LMX1A: variants seen among roughly 807,000 people sequenced by gnomAD.
LMX1A encodes the protein LIM homeobox transcription factor 1 alpha, also known as LIM homeobox transcription factor 1-alpha.
LMX1A carries 15 observed loss-of-function variants against 49.1 expected under a neutral mutation model. The ratio of observed to expected loss-of-function variants is 0.31; its 90% CI spans 0.20 to 0.47. LMX1A has a LOEUF of 0.47. LMX1A is among the 20% of genes least tolerant of loss of function. LMX1A has a pLI of 1.00. For synonymous variants in LMX1A, 167 were observed against 185.7 expected, an observed-to-expected ratio of 0.90 and a Z score of 0.82; for missense variants, 372 against 475.8, an observed-to-expected ratio of 0.78 and a Z score of 2.03.
chr1:165,312,455 T>C (rs1655102216), intron 3 of LMX1A, among the ~76,000 whole-genome samples: 1 of 152,154 alleles, frequency 6.6e-6, no homozygotes, highest in African/African-American at 2.4e-5. Flanking sequence ...CTGGGACAAT[T>C]TCCCCCTCCA....
chr1:165,334,399 T>C (rs1229806325), intron 3 of LMX1A, among the ~76,000 whole-genome samples: 2 of 152,202 alleles, frequency 1.3e-5, no homozygotes, highest in Non-Finnish European at 2.9e-5. Context: ...CAGTAAGTTT[T>C]AAGTTATTTA....
Position 165,202,604 on chromosome 1 carries a change from C to T in LMX1A, c.*1276G>A, listed in dbSNP as rs998169716. On this transcript the variant is annotated 3_prime_UTR_variant, in exon 9 of 9. Transcript: ENST00000342310. ...AATGACCTCAAAAAAAAAGTAAAAA[C>T]CATTCTTTGCTGGCAAGCCATAGAA... The T allele has an allele frequency of 2.0e-5, 3 of 151,918 alleles. No homozygotes were observed. The highest frequency in any genetic ancestry group is 7.3e-5 in the African/African-American group (3 of 41,354). The allele number at this position is 151,918 out of a possible 1,614,324, so 9.4% of individuals were successfully genotyped here.
chr1:165,355,804 T>G lies in LMX1A; in HGVS notation c.-22-223A>C. 1.9e-6 allele frequency: 1 copy of G among 523,634 alleles called. No homozygotes were observed. Among genetic ancestry groups the G allele is most frequent in the Non-Finnish European group, 3.4e-6 (1 of 295,132 alleles). 32.4% of individuals were successfully genotyped at this position (523,634 alleles called of 1,614,324 possible). On this transcript the variant is annotated intron_variant, in intron 1 of 8. Transcript: ENST00000342310. This position sits in a 1 kb window ranked among gnomAD's most constrained non-coding sequence, Gnocchi z 4.7. ...ACTTGAAGTCAACACGTTATGTACT[T>G]AGGCCTCCGCCCCCCAACTGCGTTT... is the stretch of plus-strand genomic sequence containing the variant.
chr1:165,246,303 C>T (rs1652846873), intron 4 of LMX1A, among the ~76,000 whole-genome samples: 1 of 152,148 alleles, frequency 6.6e-6, no homozygotes, highest in Non-Finnish European at 1.5e-5. Flanking sequence ...TTTTATGATA[C>T]AAGACAGGCA....
At position 165,211,618 on chromosome 1, in the gene LMX1A, C is replaced by T. The variant is rs925303728; in HGVS notation, c.670-842G>A. 7.2e-5 allele frequency among the ~76,000 whole-genome samples: 11 copies of T among 152,204 alleles called. 1 individual carries two copies. The highest frequency in any genetic ancestry group is 2.7e-4 in the African/African-American group (11 of 41,454). ...GAGCAAATGGAAGCCTTGAGAAATACTTCCCCTTTATCATGCCACTTGGGG... is the reference window on the plus strand; with the variant it reads ...GAGCAAATGGAAGCCTTGAGAAATATTTCCCCTTTATCATGCCACTTGGGG... On this transcript the variant is annotated intron_variant, in intron 5 of 8. Transcript: ENST00000342310.
At chr1:165,353,286 G>C (rs562406017) in intron 2 of LMX1A, 24 bp from the exon 3 acceptor site, 56 of 1,601,012 alleles carry the variant, frequency 3.5e-5, no homozygotes, top group Non-Finnish European at 2.7e-5. Context: ...AGACGTTGGC[G>C]GGTGAGCAGC....
In LMX1A at chr1:165,292,506, G is replaced by A. The variant is rs141431672; in HGVS notation, c.264-42866C>T. Among the ~76,000 whole-genome samples the A allele has an allele frequency of 8.5e-5, 13 of 152,334 alleles. No individual in the cohort carries two copies. In the East Asian group the frequency reaches 2.3e-3, roughly 27 times the overall value. On this transcript the variant is annotated intron_variant, in intron 3 of 8. Transcript: ENST00000342310. ...AGGCTCATATGGAGAAGAGCAGGTG[G>A]CTTCCAACCGGGAGGGTCACCTGTG...
chr1:165,321,005 C>A (rs1032304881), intron 3 of LMX1A, among the ~76,000 whole-genome samples: 19 of 152,144 alleles, frequency 1.2e-4, no homozygotes, highest in Non-Finnish European at 1.6e-4. Context: ...TATCTACCAA[C>A]AGCTGAATGA....
At chr1:165,335,092 G>A (rs954642503) in intron 3 of LMX1A, among the ~76,000 whole-genome samples, 2 of 152,134 alleles carry the variant, frequency 1.3e-5, no homozygotes, top group South Asian at 2.1e-4. Context: ...ATTAGTTTGG[G>A]TTCTGAAATA....
At chr1:165,275,501 T>C (rs1003145269) in intron 3 of LMX1A, among the ~76,000 whole-genome samples, 6 of 152,348 alleles carry the variant, frequency 3.9e-5, no homozygotes, top group South Asian at 2.1e-4. Flanking sequence ...ACGTAACTTC[T>C]AGTCATCTCC....
intron 8 of LMX1A, among the ~76,000 whole-genome samples, chr1:165,205,596 C>G (rs141485931): frequency 8.5e-5 from 13 of 152,180 alleles, no homozygotes; most frequent in Non-Finnish European, 1.8e-4. Flanking sequence ...TGACAACAAA[C>G]AGGTCTACAA....
At chr1:165,291,267 C>G (rs1270288474) in intron 3 of LMX1A, among the ~76,000 whole-genome samples, 1 of 152,196 alleles carries the variant, frequency 6.6e-6, no homozygotes, top group East Asian at 1.9e-4. Flanking sequence ...ATATAACACA[C>G]AGATTCTGGC....
At chr1:165,217,623 G>A (rs1235761303) in intron 4 of LMX1A, among the ~76,000 whole-genome samples, 1 of 152,212 alleles carries the variant, frequency 6.6e-6, no homozygotes, top group Non-Finnish European at 1.5e-5. Flanking sequence ...TCCCTCAGCT[G>A]GTCCTGCCTA....
intron 3 of LMX1A, among the ~76,000 whole-genome samples, chr1:165,316,822 C>T (rs949992134): frequency 6.6e-6 from 1 of 152,150 alleles, no homozygotes; most frequent in Non-Finnish European, 1.5e-5. Flanking sequence ...CCTGTTGCAG[C>T]AACACCTCCC....
chr1:165,301,005 A>T (rs1280856132), intron 3 of LMX1A, among the ~76,000 whole-genome samples: 1 of 152,174 alleles, frequency 6.6e-6, no homozygotes, highest in African/African-American at 2.4e-5. Flanking sequence ...TGGAGCCCAG[A>T]TATCTGCTTT....
intron 3 of LMX1A, among the ~76,000 whole-genome samples, chr1:165,321,447 A>T (rs183686830): frequency 1.5e-3 from 235 of 152,284 alleles, no homozygotes; most frequent in Middle Eastern, 6.8e-3. Flanking sequence ...AAAAATAAAC[A>T]TATGTTTTGA....
At chr1:165,248,768 G>A (rs1005364009) in intron 4 of LMX1A, among the ~76,000 whole-genome samples, 1 of 152,170 alleles carries the variant, frequency 6.6e-6, no homozygotes, top group African/African-American at 2.4e-5. Context: ...TGAATTATTG[G>A]TTCCAATCCA....
At chr1:165,343,346 C>T (rs974943932) in intron 3 of LMX1A, among the ~76,000 whole-genome samples, 1 of 151,726 alleles carries the variant, frequency 6.6e-6, no homozygotes, top group African/African-American at 2.4e-5. Flanking sequence ...ACTGTCTTGG[C>T]TTATCATACA....
intron 3 of LMX1A, among the ~76,000 whole-genome samples, chr1:165,269,665 T>C (rs986600169): frequency 5.3e-5 from 8 of 152,166 alleles, no homozygotes; most frequent in Admixed American, 3.9e-4. Context: ...AATGGTAGAT[T>C]GGATTAAAAA....
Sources: allele counts gnomAD v4.1 joint callset (sites outside exome capture counted in the v4.1 genomes callset), GRCh38; gene constraint gnomAD v4.1.1; non-coding constraint Gnocchi (gnomAD v3.1); transcripts MANE v1.5; gene names NCBI Gene and HGNC (gene_info 2026-07-23, HGNC 2026-07-21).